TRAF3IP3: variants seen among roughly 807,000 people sequenced by gnomAD.
TRAF3IP3 encodes the protein TRAF3-interacting JNK-activating modulator.
In TRAF3IP3, 64 loss-of-function variants were observed where a neutral mutation model predicts 86.5. That is an observed-to-expected ratio of 0.74 (90% CI 0.60 to 0.91). The LOEUF (loss-of-function observed/expected upper bound fraction) is 0.91, where lower values mean the gene tolerates loss of function less well. Ranked by LOEUF, TRAF3IP3 falls within the 40% of genes least tolerant of loss-of-function variation. The probability of loss-of-function intolerance (pLI) is 0.00; values close to 1 mark genes in which losing one functional copy is unlikely to be tolerated. For missense variants in TRAF3IP3, 579 were observed against 642.9 expected (o/e 0.90, Z 1.07); for synonymous variants, 220 against 243.9 (o/e 0.90, Z 0.91).
chr1:209,776,147 A>T (rs535226388), intron 11 of TRAF3IP3: 1 of 159,242 alleles, frequency 6.3e-6, no homozygotes, highest in Admixed American at 6.3e-5. Context: ...ACTTTCTGCC[A>T]ATGTGTATTT....
At chr1:209,777,702 GT>G in intron 12 of TRAF3IP3, 1 of 534,528 alleles carries the variant, frequency 1.9e-6, no homozygotes, top group South Asian at 3.0e-5. Flanking sequence ...AGAGTATCTT[GT>G]TGTCTGAGCT....
chr1:209,764,037 C>T (rs654984), intron 8 of TRAF3IP3, among the ~76,000 whole-genome samples: 97,792 of 152,100 alleles, frequency 0.64, 34,150 homozygotes, highest in Non-Finnish European at 0.77. Flanking sequence ...CTAATACTCT[C>T]ATTTTGCCCA....
intron 1 of TRAF3IP3, among the ~76,000 whole-genome samples, chr1:209,757,331 C>T (rs953631833): frequency 6.6e-6 from 1 of 152,226 alleles, no homozygotes; most frequent in African/African-American, 2.4e-5. Context: ...TCTTCTCCCC[C>T]ACAGCCCTTT....
At chr1:209,768,059 C>A in intron 8 of TRAF3IP3, 1 of 857,678 alleles carries the variant, frequency 1.2e-6, no homozygotes, top group Non-Finnish European at 1.4e-6. Context: ...TATTGTTTCC[C>A]CTAAAATAAG....
intron 8 of TRAF3IP3, among the ~76,000 whole-genome samples, chr1:209,772,667 T>C (rs975620741): frequency 1.3e-5 from 2 of 150,960 alleles, no homozygotes; most frequent in Non-Finnish European, 2.9e-5. Context: ...AAGCTTTCCT[T>C]CCGGGGCCCC....
intron 3 of TRAF3IP3, among the ~76,000 whole-genome samples, chr1:209,762,071 A>C (rs146852712): frequency 2.4e-5 from 2 of 84,338 alleles, no homozygotes; most frequent in East Asian, 5.4e-4. Flanking sequence ...TTCGTCCTGT[A>C]ATGAATTACC....
At chr1:209,781,313 G>A (rs2077773867) in intron 15 of TRAF3IP3, 32 bp from the exon 16 acceptor site, 1 of 1,486,680 alleles carries the variant, frequency 6.7e-7, no homozygotes, top group Non-Finnish European at 9.4e-7. Flanking sequence ...AGACAGAAGT[G>A]ACAGTGATGA....
chr1:209,756,480 C>T (rs779638690), intron 1 of TRAF3IP3, among the ~76,000 whole-genome samples, 171 bp downstream of exon 1: 33 of 152,296 alleles, frequency 2.2e-4, no homozygotes, highest in South Asian at 4.1e-4. Flanking sequence ...TTTCCTGTGG[C>T]GCTAGCCATG....
intron 3 of TRAF3IP3, 125 bp from the exon 4 acceptor site, chr1:209,762,388 GGC>G: frequency 1.1e-6 from 1 of 915,708 alleles, no homozygotes; most frequent in East Asian, 2.9e-5. Context: ...CACAGATTTG[GGC>G]GGGGGGACAA....
intron 14 of TRAF3IP3, chr1:209,779,576 A>G (rs1365273603): frequency 4.3e-6 from 3 of 690,240 alleles, no homozygotes; most frequent in Admixed American, 2.2e-5. Flanking sequence ...TGAGGTATAT[A>G]AACTGTGAAA....
In TRAF3IP3 at chr1:209,760,365, T is replaced by G; in HGVS notation, c.326T>G (p.Ile109Ser). 1 of 1,602,836 alleles carries G rather than the reference T, an allele frequency of 6.2e-7. No homozygotes were observed. The highest frequency in any genetic ancestry group is 8.5e-7 in the Non-Finnish European group (1 of 1,174,626). The part of the protein sequence containing the change: ...LKEPLSCARR[I>S]SSPREQVTGT... ...GAACCCTTGTCTTGTGCCAGAAGGA[T>G]TTCTTCTCCCAGAGAGCAGGTGGGC... Residue 109 changes from isoleucine to serine, a missense_variant, in exon 3 of 17, where the codon ATT becomes AGT. Ile to Ser is a moderately radical substitution (Grantham distance 142). Transcript: ENST00000367025.
At chr1:209,774,589 CAG>C (rs1181560876) in intron 9 of TRAF3IP3, among the ~76,000 whole-genome samples, 1 of 152,170 alleles carries the variant, frequency 6.6e-6, no homozygotes, top group Non-Finnish European at 1.5e-5. Context: ...CCCCAAAAAA[CAG>C]AGTGCTGGGG....
chr1:209,771,495 ATGTGAAGGTGTG>A (rs796891399), intron 8 of TRAF3IP3, among the ~76,000 whole-genome samples: 13 of 107,322 alleles, frequency 1.2e-4, no homozygotes, highest in East Asian at 2.7e-4. Context: ...GTGCGTGTGC[ATGTGAAGGTGTG>A]TGTGAAGGTG....
chr1:209,774,231 G>A (rs142651493), intron 9 of TRAF3IP3, among the ~76,000 whole-genome samples: 99 of 152,310 alleles, frequency 6.5e-4, no homozygotes, highest in Admixed American at 1.7e-3. Flanking sequence ...CTGCAGCCAG[G>A]AGGAATTTTA....
At chr1:209,776,190 T>A (rs566186283) in intron 11 of TRAF3IP3, 7 of 155,908 alleles carry the variant, frequency 4.5e-5, no homozygotes, top group African/African-American at 1.7e-4. Context: ...ACAATTAGAT[T>A]CTTGGCATCC....
Position 209,782,138 on chromosome 1 carries a change from T to C in TRAF3IP3, c.1646T>C (p.Leu549Pro), listed in dbSNP as rs1197432425. 4.3e-6 allele frequency: 7 copies of C among 1,613,514 alleles called. No individual in the cohort carries two copies. ...GTGTTCCTGGCCAATAAAGACAACC[T>C]GATGATCTGAATAATTTGTGACAAC... ...LAVFLANKDNLMI is the reference protein window; with the variant it reads ...LAVFLANKDNPMI Residue 549 changes from leucine to proline, a missense_variant, in exon 17 of 17, where the codon CTG (leucine) becomes CCG (proline). Coordinates refer to ENST00000367025, the MANE Select transcript of TRAF3IP3 (RefSeq NM_025228.4).
At chr1:209,766,673 G>A (rs572973516) in intron 8 of TRAF3IP3, among the ~76,000 whole-genome samples, 2 of 152,304 alleles carry the variant, frequency 1.3e-5, no homozygotes, top group Admixed American at 1.3e-4. Context: ...AGACCAGCCT[G>A]GCCAACATGG....
intron 9 of TRAF3IP3, among the ~76,000 whole-genome samples, chr1:209,773,388 T>TAA (rs1402832751): frequency 6.6e-6 from 1 of 152,206 alleles, no homozygotes; most frequent in Admixed American, 6.5e-5. Context: ...ACAGATGAGT[T>TAA]AGATGTTATA....
intron 9 of TRAF3IP3, 114 bp downstream of exon 9, chr1:209,773,133 C>T (rs2077581240): frequency 1.1e-6 from 1 of 876,808 alleles, no homozygotes; most frequent in Non-Finnish European, 1.7e-6. Context: ...ATAACACACC[C>T]ATTCCTACTT....
Sources: gnomAD v4.1 joint callset for allele counts (sites outside exome capture counted in the v4.1 genomes callset) on GRCh38, gnomAD v4.1.1 for gene constraint, MANE v1.5 for transcripts, NCBI Gene and HGNC (gene_info 2026-07-23, HGNC 2026-07-21) for gene names.